The following PPP1CA variants were observed in gnomAD, a reference collection of about 807,000 sequenced individuals.
The protein encoded by PPP1CA is serine/threonine-protein phosphatase PP1-alpha catalytic subunit.
A neutral mutation model predicts 38.5 loss-of-function variants in PPP1CA; 14 were observed. That is an observed-to-expected ratio of 0.36 (90% CI 0.24 to 0.57). PPP1CA has a LOEUF of 0.57. PPP1CA is among the 20% of genes least tolerant of loss of function. The pLI is 0.80. For synonymous variants in PPP1CA, 200 were observed against 177.3 expected, an observed-to-expected ratio of 1.13 and a Z score of -1.02; for missense variants, 277 against 435.2, an observed-to-expected ratio of 0.64 and a Z score of 3.23.
In PPP1CA at chr11:67,401,846, C is replaced by T. The variant is rs1358998498; in HGVS notation, c.-64G>A. 1.6e-6 allele frequency: 2 copies of T among 1,287,896 alleles called. No individual in the cohort carries two copies. The highest frequency in any genetic ancestry group is 3.1e-5 in the African/African-American group (2 of 64,738). The allele number at this position is 1,287,896 out of a possible 1,614,324, so 79.8% of individuals were successfully genotyped here. ...CTCCTGCCTCCCGCCCTCCGGCAGC[C>T]TCCTTCCGGCCTGGCTCTCCTTCCG... On this transcript the variant is annotated 5_prime_UTR_variant, in exon 1 of 7. Coordinates refer to ENST00000376745, the MANE Select transcript of PPP1CA (RefSeq NM_002708.4).
Position 67,401,790 on chromosome 11 carries a change from C to G in PPP1CA, c.-8G>C. ...CTTCTCGCTGTCGGACATGGCGGCG[C>G]CGCCGCTCCAGCCCAGCAGCTCCTG... is the stretch of plus-strand genomic sequence containing the variant. On this transcript the variant is annotated 5_prime_UTR_variant, in exon 1 of 7. Transcript: ENST00000376745. 1 of 1,468,214 alleles carries G rather than the reference C, an allele frequency of 6.8e-7. No individual in the cohort carries two copies. Among genetic ancestry groups the G allele is most frequent in the Non-Finnish European group, 9.1e-7 (1 of 1,100,422 alleles). 90.9% of individuals were successfully genotyped at this position (1,468,214 alleles called of 1,614,324 possible).
At chr11:67,399,463 C>G in intron 4 of PPP1CA, 98 bp downstream of exon 4, 1 of 1,110,392 alleles carries the variant, frequency 9.0e-7, no homozygotes, top group Non-Finnish European at 1.3e-6. Flanking sequence ...GGGGACACTT[C>G]CTGGAAGGAG....
At position 67,398,370 on chromosome 11, in the gene PPP1CA, G is replaced by A. The variant is rs945882627; in HGVS notation, c.*165C>T. On this transcript the variant is annotated 3_prime_UTR_variant, in exon 7 of 7. Transcript: ENST00000376745. The stretch of plus-strand genomic sequence containing the variant: ...AGGCAGGAAGCAGCCCTGGGGGACT[G>A]GACGCTGCTATTGATTCATTAAAAA... The A allele has an allele frequency of 2.1e-5, 15 of 704,838 alleles. No individual in the cohort carries two copies. The Admixed American group carries it at 3.5e-4, about 17-fold the overall frequency. The allele number at this position is 704,838 out of a possible 1,614,324, so 43.7% of individuals were successfully genotyped here. A position where few individuals can be genotyped will look rare whatever the true frequency, so the allele number is the denominator to read the frequency against.
chr11:67,399,482 C>T, intron 4 of PPP1CA, 79 bp downstream of exon 4: 2 of 1,307,056 alleles, frequency 1.5e-6, no homozygotes, highest in Non-Finnish European at 2.2e-6. Context: ...AGTGACTTCC[C>T]AGATGAGACC....
Position 67,400,911 on chromosome 11 carries a change from GTA to G in PPP1CA, c.194_195del (p.Ile65ThrfsTer12). The G allele has an allele frequency of 6.2e-7, 1 of 1,614,094 alleles. No individual in the cohort carries two copies. ...LEAPLKICGD[I>X]HGQYYDLLRL... ...CGCAGAAGGTCGTAGTACTGGCCGT[GTA>G]TGTCACCTGTGACCCAGGGAACCGG... On this transcript the variant is annotated frameshift_variant, in exon 3 of 7. Transcript: ENST00000376745. LOFTEE classifies it high-confidence loss of function.
chr11:67,401,325 G>A (rs898826256), intron 1 of PPP1CA, 126 bp from the exon 2 acceptor site: 3 of 1,497,658 alleles, frequency 2.0e-6, no homozygotes, highest in Admixed American at 1.8e-5. Context: ...ACAGGCAGCT[G>A]TTGCTGCTGA....
At position 67,398,627 on chromosome 11, in the gene PPP1CA, TGTC is replaced by T. The variant is rs1862798226; in HGVS notation, c.898_900del (p.Asp300del). 6.2e-7 allele frequency: 1 copy of T among 1,613,976 alleles called. No homozygotes were observed. The highest frequency in any genetic ancestry group is 1.1e-5 in the South Asian group (1 of 91,092). On this transcript the variant is annotated inframe_deletion, in exon 7 of 7. Coordinates refer to ENST00000376745, the MANE Select transcript of PPP1CA (RefSeq NM_002708.4). ...AACTGCCCGTACTTCCCCTTGTTCT[TGTC>T]GGCGGGCTTGAGGATCTAAAAGAGA...
In PPP1CA at chr11:67,399,660, TCTTG is replaced by T; in HGVS notation, c.420_423del (p.Cys140Ter). ...TTCCACAGTTTGATGTTGTAGCGTC[TCTTG>T]CCTGCCCAGGGGGAGGTGGCTGTGA... On this transcript the variant is annotated frameshift_variant and splice_region_variant, in exon 4 of 7. Coordinates refer to ENST00000376745, the MANE Select transcript of PPP1CA (RefSeq NM_002708.4). LOFTEE classifies it high-confidence loss of function. 1 of 1,613,048 alleles carries T rather than the reference TCTTG, an allele frequency of 6.2e-7. No homozygotes were observed. Among genetic ancestry groups the T allele is most frequent in the Non-Finnish European group, 8.5e-7 (1 of 1,179,416 alleles).
In PPP1CA at chr11:67,401,114, C is replaced by A; in HGVS notation, c.141G>T (p.Leu47=). 6.2e-7 allele frequency: 1 copy of A among 1,613,930 alleles called. No homozygotes were observed. The highest frequency in any genetic ancestry group is 8.5e-7 in the Non-Finnish European group (1 of 1,180,006). ...GLCLKSREIF[L]SQPILLELEA... ...CCAGCTCCAGAAGAATGGGCTGGCT[C>A]AGAAAAATCTCCCGGGATTTCAGGC... The change falls in exon 2 of 7, where the codon CTG becomes CTT. Residue 47 remains leucine, a synonymous_variant. Coordinates refer to ENST00000376745, the MANE Select transcript of PPP1CA (RefSeq NM_002708.4).
At position 67,401,777 on chromosome 11, in the gene PPP1CA, G is replaced by T. The variant is rs1342424800; in HGVS notation, c.6C>A (p.Ser2=). M[S]DSEKLNLDSI... The stretch of plus-strand genomic sequence containing the variant: ...AGTCCAGGTTGAGCTTCTCGCTGTC[G>T]GACATGGCGGCGCCGCCGCTCCAGC... The change falls in exon 1 of 7, where the codon TCC becomes TCA. Residue 2 remains serine (S), a synonymous_variant. Transcript: ENST00000376745. 3.4e-6 allele frequency: 5 copies of T among 1,469,556 alleles called. No individual in the cohort carries two copies. The African/African-American group carries it at 4.4e-5, about 13-fold the overall frequency. 91.0% of individuals were successfully genotyped at this position (1,469,556 alleles called of 1,614,324 possible).
intron 3 of PPP1CA, among the ~76,000 whole-genome samples, chr11:67,400,068 C>CG (rs1367086646): frequency 8.0e-5 from 12 of 150,716 alleles, no homozygotes; most frequent in Admixed American, 7.9e-4. Flanking sequence ...ACCCAGGAGA[C>CG]GGAGGTTGTG....
chr11:67,401,202 G>A lies in PPP1CA; in HGVS notation c.56-3C>T. The A allele has an allele frequency of 6.2e-7, 1 of 1,613,686 alleles. No homozygotes were observed. Among genetic ancestry groups the A allele is most frequent in the Non-Finnish European group, 8.5e-7 (1 of 1,179,926 alleles). ...CTTGCCAGGCCGCGAGCCCTGCACT[G>A]GGGCGCAATGGGGTGTCAGGACCCT... On this transcript the variant is annotated splice_region_variant and splice_polypyrimidine_tract_variant and intron_variant, in intron 1 of 6. Coordinates refer to ENST00000376745, the MANE Select transcript of PPP1CA (RefSeq NM_002708.4).
chr11:67,401,340 C>T, intron 1 of PPP1CA, 141 bp from the exon 2 acceptor site: 2 of 1,413,074 alleles, frequency 1.4e-6, no homozygotes, highest in Non-Finnish European at 1.9e-6. Context: ...TGCTGAGCCT[C>T]CCGGGACCGC....
intron 1 of PPP1CA, chr11:67,401,476 G>A: frequency 1.7e-6 from 1 of 597,612 alleles, no homozygotes; most frequent in Non-Finnish European, 2.8e-6. Flanking sequence ...GGCTTCCCGG[G>A]TTTCTCCCTC....
At position 67,399,579 on chromosome 11, in the gene PPP1CA, T is replaced by A; in HGVS notation, c.505A>T (p.Ile169Phe). The change falls in exon 4 of 7, where the codon ATC becomes TTC. Residue 169 changes from isoleucine (I) to phenylalanine (F), a missense_variant. This residue lies in a region of PPP1CA where 180 missense variants were observed against 356.7 expected (regional missense o/e 0.50). Coordinates refer to ENST00000376745, the MANE Select transcript of PPP1CA (RefSeq NM_002708.4). ...CCCTCACCTCCGTGGCAGCAGAAGA[T>A]CTTTTCGTCCACTATGGCCGCGATG... ...LPIAAIVDEK[I>F]FCCHGGLSPD... 1 of 1,614,054 alleles carries A rather than the reference T, an allele frequency of 6.2e-7. No individual in the cohort carries two copies. Among genetic ancestry groups the A allele is most frequent in the Non-Finnish European group, 8.5e-7 (1 of 1,179,970 alleles).
intron 2 of PPP1CA, 60 bp from the exon 3 acceptor site, chr11:67,400,979 G>A: frequency 1.2e-6 from 2 of 1,608,802 alleles, no homozygotes; most frequent in South Asian, 1.1e-5. Flanking sequence ...CCAGGGCCAG[G>A]ACTGCGCTCA....
At chr11:67,399,506 C>T (rs1240964776) in intron 4 of PPP1CA, 55 bp downstream of exon 4, 6 of 1,494,966 alleles carry the variant, frequency 4.0e-6, no homozygotes, top group Non-Finnish European at 3.7e-6. Context: ...GGAGAGCTGC[C>T]GGGTGCTGAG....
In PPP1CA at chr11:67,398,521, G is replaced by A. The variant is rs1862792774; in HGVS notation, c.*14C>T. The A allele has an allele frequency of 1.9e-6, 3 of 1,609,414 alleles. No homozygotes were observed. Among genetic ancestry groups the A allele is most frequent in the South Asian group, 1.1e-5 (1 of 90,774 alleles). On this transcript the variant is annotated 3_prime_UTR_variant, in exon 7 of 7. Transcript: ENST00000376745. ...ATCAATCCATCATCTGGGGCACAGGGTGGTGTGCGGGGGCTATTTCTTGGC... is the reference window on the plus strand; with the variant it reads ...ATCAATCCATCATCTGGGGCACAGGATGGTGTGCGGGGGCTATTTCTTGGC...
rs778756566 is a variant in PPP1CA at position 67,398,495 on chromosome 11, A to T, written c.*40T>A. On this transcript the variant is annotated 3_prime_UTR_variant, in exon 7 of 7. Coordinates refer to ENST00000376745, the MANE Select transcript of PPP1CA (RefSeq NM_002708.4). ...CAGCATGGCAGCATGATTTCTGTAC[A>T]ATCAATCCATCATCTGGGGCACAGG... is the stretch of plus-strand genomic sequence containing the variant. The T allele has an allele frequency of 2.5e-6, 4 of 1,591,482 alleles. No individual in the cohort carries two copies. The South Asian group carries it at 3.4e-5, about 13-fold the overall frequency.
Sources: allele counts gnomAD v4.1 joint callset (sites outside exome capture counted in the v4.1 genomes callset), GRCh38; gene constraint gnomAD v4.1.1; regional missense constraint gnomAD v4.1.1; transcripts MANE v1.5; gene names NCBI Gene and HGNC (gene_info 2026-07-23, HGNC 2026-07-21).